FAT1: variants seen among roughly 807,000 people sequenced by gnomAD.
The protein encoded by FAT1 is protocadherin Fat 1.
FAT1 carries 171 observed loss-of-function variants against 329.8 expected under a neutral mutation model. The observed-to-expected ratio is 0.52, with a 90% confidence interval of 0.46 to 0.59. FAT1 has a LOEUF of 0.59. FAT1 is among the 20% of genes least tolerant of loss of function. The pLI is 0.00. For synonymous variants in FAT1, 2,233 were observed against 2,228.6 expected, an observed-to-expected ratio of 1.00 and a Z score of -0.06; for missense variants, 5,672 against 5,774.4, an observed-to-expected ratio of 0.98 and a Z score of 0.57.
intron 2 of FAT1, among the ~76,000 whole-genome samples, chr4:186,688,350 C>A (rs1301597529): frequency 6.6e-6 from 1 of 152,004 alleles, no homozygotes; most frequent in Non-Finnish European, 1.5e-5. Context: ...CAAAGAGAAG[C>A]CTGTAGAAGT....
At chr4:186,656,111 C>T (rs139642683) in intron 3 of FAT1, among the ~76,000 whole-genome samples, 208 of 152,290 alleles carry the variant, frequency 1.4e-3, no homozygotes, top group African/African-American at 4.8e-3. Flanking sequence ...CTGAGGATCT[C>T]ACAGAAAGGC....
chr4:186,651,187 G>C (rs114775499), intron 3 of FAT1, among the ~76,000 whole-genome samples: 1,684 of 150,456 alleles, frequency 0.011, 32 homozygotes, highest in African/African-American at 0.039. Flanking sequence ...AAAGCACCAT[G>C]AGCTACAGAA....
At chr4:186,693,357 C>T (rs113950746) in intron 2 of FAT1, among the ~76,000 whole-genome samples, 14 of 143,062 alleles carry the variant, frequency 9.8e-5, no homozygotes, top group South Asian at 2.4e-4. Context: ...GCCTACCTCC[C>T]TACCTGTGGC....
intron 2 of FAT1, among the ~76,000 whole-genome samples, chr4:186,665,646 C>G (rs538314539): frequency 7.2e-4 from 110 of 152,158 alleles, no homozygotes; most frequent in African/African-American, 2.2e-3. Context: ...TAGGTTGCCT[C>G]TTCACTCTGA....
intron 3 of FAT1, among the ~76,000 whole-genome samples, chr4:186,645,327 T>C (rs1014070303): frequency 5.7e-5 from 8 of 140,234 alleles, no homozygotes; most frequent in African/African-American, 2.1e-4. Flanking sequence ...TTTGACAGTT[T>C]GTTAGCCAAG....
chr4:186,656,636 G>A (rs1741915379), intron 3 of FAT1, among the ~76,000 whole-genome samples: 1 of 152,196 alleles, frequency 6.6e-6, no homozygotes, highest in Admixed American at 6.5e-5. Context: ...GGTACCTGGG[G>A]AAGGAGGACT....
intron 2 of FAT1, among the ~76,000 whole-genome samples, chr4:186,705,980 A>G (rs1409409224): frequency 6.6e-6 from 1 of 152,202 alleles, no homozygotes; most frequent in African/African-American, 2.4e-5. Context: ...ACCAACTAGA[A>G]GAGCCAGGAT....
chr4:186,639,401 T>C (rs1348800278), intron 4 of FAT1, among the ~76,000 whole-genome samples: 3 of 152,202 alleles, frequency 2.0e-5, no homozygotes, highest in African/African-American at 4.8e-5. Flanking sequence ...ATATCACTTA[T>C]GTAAATGCAA....
intron 11 of FAT1, 78 bp downstream of exon 11, chr4:186,616,927 G>A (rs759027303): frequency 3.6e-5 from 47 of 1,297,688 alleles, no homozygotes; most frequent in East Asian, 9.3e-5. Flanking sequence ...TTACACCACA[G>A]CGCCAAATGA....
chr4:186,722,417 TC>T (rs1392407642), intron 1 of FAT1, among the ~76,000 whole-genome samples: 22 of 152,244 alleles, frequency 1.4e-4, no homozygotes. Flanking sequence ...ATGTTTAGCA[TC>T]ACTCAAGGCT....
In FAT1 at chr4:186,663,615, T is replaced by C; in HGVS notation, c.3266-2A>G. ...GTCGATCTGACGTCTCTATGACACC[T>C]ACAGAGAAAAAAGAAAAGCGTAAAG... On this transcript the variant is annotated splice_acceptor_variant, in intron 2 of 26. Transcript: ENST00000441802. LOFTEE classifies it high-confidence loss of function. 6.3e-7 allele frequency: 1 copy of C among 1,597,176 alleles called. No homozygotes were observed. The highest frequency in any genetic ancestry group is 8.5e-7 in the Non-Finnish European group (1 of 1,175,148).
intron 16 of FAT1, 125 bp from the exon 17 acceptor site, chr4:186,606,338 G>T (rs62350415): frequency 3.2e-6 from 3 of 943,854 alleles, no homozygotes; most frequent in Non-Finnish European, 4.7e-6. Flanking sequence ...GTTGCATCCT[G>T]CCTGTGAGCG....
chr4:186,724,888 G>A (rs564925404), upstream of FAT1, among the ~76,000 whole-genome samples: 124 of 152,338 alleles, frequency 8.1e-4, no homozygotes, highest in African/African-American at 2.2e-3. This position sits in a 1 kb window ranked among gnomAD's most constrained non-coding sequence, Gnocchi z 5.3. Context: ...GGGGAGCTTG[G>A]CGGGGAGGGG....
At position 186,603,273 on chromosome 4, in the gene FAT1, C is replaced by G. The variant is rs1485682024; in HGVS notation, c.11253G>C (p.Lys3751Asn). The change falls in exon 19 of 27, where the codon AAG (lysine) becomes AAC (asparagine). Residue 3751 changes from lysine (K) to asparagine (N), a missense_variant. Physicochemically the swap from Lys to Asn is moderately conservative, Grantham distance 94 (BLOSUM62 0). Transcript: ENST00000441802. ...ACATCACACTTTCATCCACAGACAC[C>G]TTTTCATCGCAGAACTTCCAGGGGC... ...LDCPWKFCDE[K>N]VSVDESVMST... is the part of the protein sequence containing the mutation. 1.2e-6 allele frequency: 2 copies of G among 1,613,922 alleles called. No homozygotes were observed.
At chr4:186,656,816 C>A (rs1186594662) in intron 3 of FAT1, among the ~76,000 whole-genome samples, 5 of 152,070 alleles carry the variant, frequency 3.3e-5, no homozygotes, top group Admixed American at 2.6e-4. Context: ...GACACAGAAA[C>A]CCTGGTTAAG....
intron 3 of FAT1, among the ~76,000 whole-genome samples, chr4:186,659,014 G>C (rs1034893734): frequency 1.3e-5 from 2 of 152,212 alleles, no homozygotes; most frequent in Non-Finnish European, 2.9e-5. Flanking sequence ...TTAACCACGG[G>C]CTGCATATAC....
intron 11 of FAT1, among the ~76,000 whole-genome samples, chr4:186,616,139 C>T (rs920689294): frequency 2.0e-5 from 3 of 152,058 alleles, no homozygotes; most frequent in African/African-American, 7.2e-5. Context: ...CCCTTGCATC[C>T]ACTCCTCCCT....
chr4:186,609,183 C>T lies in FAT1; in HGVS notation c.10206G>A (p.Thr3402=), dbSNP rs200628443. Residue 3402 remains threonine, a splice_region_variant and synonymous_variant, in exon 16 of 27, where the codon ACG becomes ACA. Coordinates refer to ENST00000441802, the MANE Select transcript of FAT1 (RefSeq NM_005245.4). ...ACGTAAATCAACCTTTTTCACTTAC[C>T]GTTTCTCGGTCGAGAAGTTTGGTCA... ...VKVTKLLDRE[T]ISGYTLTVQA... is the part of the protein sequence containing the mutation. 2.2e-5 allele frequency: 36 copies of T among 1,610,404 alleles called. No individual in the cohort carries two copies. The African/African-American group carries it at 3.2e-4, about 14-fold the overall frequency.
chr4:186,604,657 A>G (rs1420311301), intron 17 of FAT1, 83 bp from the exon 18 acceptor site: 7 of 842,864 alleles, frequency 8.3e-6, no homozygotes, highest in Non-Finnish European at 1.1e-5. Flanking sequence ...AGTTTTCTAT[A>G]ATATAAAATA....
Sources: gnomAD v4.1 joint callset for allele counts (sites outside exome capture counted in the v4.1 genomes callset) on GRCh38, gnomAD v4.1.1 for gene constraint, Gnocchi (gnomAD v3.1) non-coding constraint, MANE v1.5 for transcripts, NCBI Gene and HGNC (gene_info 2026-07-23, HGNC 2026-07-21) for gene names.